Variants in CABCOCO1 observed in about 807,000 individuals in gnomAD.
The protein encoded by CABCOCO1 is ciliary-associated calcium-binding coiled-coil protein 1.
Under a neutral mutation model 35.7 loss-of-function variants are expected in CABCOCO1, and 28 were observed. The ratio of observed to expected loss-of-function variants is 0.78; its 90% confidence interval spans 0.58 to 1.07. The LOEUF is 1.07. Among genes scored for constraint, CABCOCO1 ranks in the 50% least tolerant of loss-of-function variants. The pLI is 0.00. For synonymous variants in CABCOCO1, 95 were observed against 100.1 expected, an observed-to-expected ratio of 0.95 and a Z score of 0.30; for missense variants, 326 against 309.2, an observed-to-expected ratio of 1.05 and a Z score of -0.41.
At chr10:61,747,881 G>T (rs976446675) in intron 5 of CABCOCO1, among the ~76,000 whole-genome samples, 1 of 152,114 alleles carries the variant, frequency 6.6e-6, no homozygotes, top group African/African-American at 2.4e-5. Context: ...TCACATCAAG[G>T]CTGTCTTCAT....
Position 61,720,917 on chromosome 10 carries a change from C to CTTTTTTTTTTTTTTTTTTTTTTTTT in CABCOCO1, c.552+30297_552+30321dup, listed in dbSNP as rs71018996. 7.6e-4 allele frequency among the ~76,000 whole-genome samples: 50 copies of CTTTTTTTTTTTTTTTTTTTTTTTTT among 66,014 alleles called. 13 individuals carry two copies. Among genetic ancestry groups the CTTTTTTTTTTTTTTTTTTTTTTTTT allele is most frequent in the Non-Finnish European group, 1.0e-3 (34 of 33,070 alleles). The allele number at this position is 66,014 out of a possible 152,430, so 43.3% of individuals were successfully genotyped here. A position where few individuals can be genotyped will look rare whatever the true frequency, so the allele number is the denominator to read the frequency against. On this transcript the variant is annotated intron_variant, in intron 5 of 7. Coordinates refer to ENST00000648843, the MANE Select transcript of CABCOCO1 (RefSeq NM_001366906.2). ...TGCTTTTTCTTCTTTTCTTTTCATT[C>CTTTTTTTTTTTTTTTTTTTTTTTTT]TTTTTTTTTTTTTTTTTTTTTTTTT...
chr10:61,753,754 A>G (rs947384996), intron 5 of CABCOCO1, among the ~76,000 whole-genome samples: 1 of 152,158 alleles, frequency 6.6e-6, no homozygotes, highest in African/African-American at 2.4e-5. Flanking sequence ...ATCATGCTAC[A>G]TATCTACCTC....
In CABCOCO1 at chr10:61,765,688, T is replaced by A. The variant is rs112799811; in HGVS notation, c.817-251T>A. On this transcript the variant is annotated intron_variant, in intron 7 of 7. Coordinates refer to ENST00000648843, the MANE Select transcript of CABCOCO1 (RefSeq NM_001366906.2). ...TTATCCTATCTTCCAACACAAGGCT[T>A]TGTGAAAAATGGCTGTCCAAATACC... is the stretch of plus-strand genomic sequence containing the variant. 6.4e-3 allele frequency among the ~76,000 whole-genome samples: 971 copies of A among 152,334 alleles called. 7 individuals carry two copies. Among genetic ancestry groups the A allele is most frequent in the African/African-American group, 0.021 (864 of 41,566 alleles).
chr10:61,748,807 T>G (rs1841719713), intron 5 of CABCOCO1, among the ~76,000 whole-genome samples: 1 of 152,200 alleles, frequency 6.6e-6, no homozygotes, highest in South Asian at 2.1e-4. Context: ...CTAGGCCCTG[T>G]GGGACCACTG....
chr10:61,707,404 A>G (rs1206352505), intron 5 of CABCOCO1, among the ~76,000 whole-genome samples: 1 of 152,246 alleles, frequency 6.6e-6, no homozygotes, highest in East Asian at 1.9e-4. Context: ...CAAAGAAAAG[A>G]AAGGATTCTG....
intron 5 of CABCOCO1, among the ~76,000 whole-genome samples, chr10:61,695,780 C>A (rs566492004): frequency 6.6e-6 from 1 of 151,716 alleles, no homozygotes; most frequent in South Asian, 2.1e-4. Context: ...AGAAAAAAAC[C>A]CTTTCTGTGA....
chr10:61,677,167 A>G (rs1203060563), intron 2 of CABCOCO1, among the ~76,000 whole-genome samples: 3 of 152,110 alleles, frequency 2.0e-5, no homozygotes, highest in Non-Finnish European at 4.4e-5. Flanking sequence ...AGAGAAGTGG[A>G]CCTTTCTGTG....
At chr10:61,749,762 C>T (rs1330069048) in intron 5 of CABCOCO1, among the ~76,000 whole-genome samples, 1 of 152,156 alleles carries the variant, frequency 6.6e-6, no homozygotes, top group East Asian at 1.9e-4. Flanking sequence ...GATCCGGGTT[C>T]TATTTCTGAT....
At chr10:61,701,808 A>G (rs1253385927) in intron 5 of CABCOCO1, 12 of 983,216 alleles carry the variant, frequency 1.2e-5, no homozygotes, top group African/African-American at 1.7e-5. Flanking sequence ...TTCCAAGACC[A>G]GAGGCCTCTG....
intron 5 of CABCOCO1, among the ~76,000 whole-genome samples, chr10:61,696,658 C>T (rs545498536): frequency 9.2e-5 from 14 of 151,978 alleles, no homozygotes; most frequent in South Asian, 2.1e-4. Flanking sequence ...CCCTCATACC[C>T]GGCTAATTTT....
chr10:61,764,741 G>C (rs1411896369), intron 7 of CABCOCO1, among the ~76,000 whole-genome samples: 1 of 151,868 alleles, frequency 6.6e-6, no homozygotes, highest in Non-Finnish European at 1.5e-5. Flanking sequence ...AGAAACCAGA[G>C]GCCGGAGCTT....
In CABCOCO1 at chr10:61,672,636, A is replaced by G. The variant is rs910665260; in HGVS notation, c.65A>G (p.Asp22Gly). Residue 22 changes from aspartate to glycine, a missense_variant, in exon 2 of 8, where the codon GAC becomes GGC. Physicochemically the swap from Asp to Gly is moderately conservative, Grantham distance 94. Transcript: ENST00000648843. Reference sequence around the variant, plus strand: ...CTCCACATTGTGTTTTGGTAGAGAGACACTGAATTCCAGGAGCATGAAAAG... The same window carrying G: ...CTCCACATTGTGTTTTGGTAGAGAGGCACTGAATTCCAGGAGCATGAAAAG... ...PAGTTPESERDTEFQEHEKIL... is the reference protein window; with the variant it reads ...PAGTTPESERGTEFQEHEKIL... 5.8e-6 allele frequency: 5 copies of G among 854,760 alleles called. No homozygotes were observed. Among genetic ancestry groups the G allele is most frequent in the Middle Eastern group, 1.2e-3 (2 of 1,670 alleles). 52.9% of individuals were successfully genotyped at this position (854,760 alleles called of 1,614,324 possible). A position where few individuals can be genotyped will look rare whatever the true frequency, so the allele number is the denominator to read the frequency against.
intron 7 of CABCOCO1, among the ~76,000 whole-genome samples, chr10:61,764,374 A>G (rs1209180301): frequency 6.6e-6 from 1 of 152,168 alleles, no homozygotes; most frequent in Non-Finnish European, 1.5e-5. Context: ...TAAGTATTTC[A>G]TGACATCATA....
At position 61,760,179 on chromosome 10, in the gene CABCOCO1, A is replaced by G; in HGVS notation, c.673A>G (p.Lys225Glu). 6.2e-7 allele frequency: 1 copy of G among 1,610,998 alleles called. No homozygotes were observed. Among genetic ancestry groups the G allele is most frequent in the Non-Finnish European group, 8.5e-7 (1 of 1,177,666 alleles). Residue 225 changes from lysine to glutamate, a missense_variant and splice_region_variant, in exon 6 of 8, where the codon AAG (lysine) becomes GAG (glutamate). Lys to Glu is a moderately conservative substitution (Grantham distance 56). Transcript: ENST00000648843. ...EPPTILDTEM[K>E]RLDQEQGPEE... ...CCCCACAATATTGGATACGGAAATGAAGGTATATTTCTTTTTGTCTTTCCA... is the reference window on the plus strand; with the variant it reads ...CCCCACAATATTGGATACGGAAATGGAGGTATATTTCTTTTTGTCTTTCCA...
chr10:61,755,480 G>A (rs1841880081), intron 5 of CABCOCO1, among the ~76,000 whole-genome samples: 1 of 152,014 alleles, frequency 6.6e-6, no homozygotes. Flanking sequence ...TTTATACTAA[G>A]TTCTGATTTA....
chr10:61,695,848 C>A (rs1023459850), intron 5 of CABCOCO1, among the ~76,000 whole-genome samples: 5 of 151,600 alleles, frequency 3.3e-5, no homozygotes, highest in Admixed American at 6.6e-5. Flanking sequence ...TATGAACAGA[C>A]AATATGAGGA....
intron 5 of CABCOCO1, among the ~76,000 whole-genome samples, chr10:61,732,315 C>T (rs1214059582): frequency 2.6e-5 from 4 of 151,898 alleles, no homozygotes; most frequent in Non-Finnish European, 1.5e-5. Flanking sequence ...TAGAGAACTC[C>T]TTTGCTTTAA....
intron 3 of CABCOCO1, among the ~76,000 whole-genome samples, chr10:61,682,485 A>C (rs1372662585): frequency 6.6e-6 from 1 of 152,048 alleles, no homozygotes; most frequent in Non-Finnish European, 1.5e-5. Flanking sequence ...GTAGCAGTAG[A>C]CTCCTGAGCA....
chr10:61,689,322 A>G (rs979856961), intron 4 of CABCOCO1, among the ~76,000 whole-genome samples: 1 of 152,190 alleles, frequency 6.6e-6, no homozygotes, highest in Non-Finnish European at 1.5e-5. Context: ...AGACTTCACT[A>G]ATCTTGATGT....
Sources: gnomAD v4.1 joint callset for allele counts (sites outside exome capture counted in the v4.1 genomes callset) on GRCh38, gnomAD v4.1.1 for gene constraint, MANE v1.5 for transcripts, NCBI Gene and HGNC (gene_info 2026-07-23, HGNC 2026-07-21) for gene names.